RPRD1A: variants seen among roughly 807,000 people sequenced by gnomAD.
The protein encoded by RPRD1A is regulation of nuclear pre-mRNA domain containing 1A.
In RPRD1A, 9 loss-of-function variants were observed where a neutral mutation model predicts 37.8. That is an observed-to-expected ratio of 0.24 (90% CI 0.14 to 0.42). RPRD1A has a LOEUF of 0.42. Ranked by LOEUF, RPRD1A falls within the 10% of genes least tolerant of loss-of-function variation. The probability of loss-of-function intolerance (pLI) is 1.00; values close to 1 mark genes in which losing one functional copy is unlikely to be tolerated. For synonymous variants in RPRD1A, 138 were observed against 139.7 expected, an observed-to-expected ratio of 0.99 and a Z score of 0.08; for missense variants, 255 against 371.0, an observed-to-expected ratio of 0.69 and a Z score of 2.57.
intron 1 of RPRD1A, among the ~76,000 whole-genome samples, chr18:36,053,476 C>T (rs1913542174): frequency 6.6e-6 from 1 of 152,172 alleles, no homozygotes; most frequent in African/African-American, 2.4e-5. Flanking sequence ...TTGCTCCACA[C>T]TGTAGAATGT....
chr18:36,066,556 A>G (rs2089035063), intron 1 of RPRD1A, among the ~76,000 whole-genome samples: 1 of 152,250 alleles, frequency 6.6e-6, no homozygotes. Context: ...TATTTTAGTG[A>G]CAGACATCTC....
At chr18:36,032,753 A>T (rs1372869951) in intron 2 of RPRD1A, among the ~76,000 whole-genome samples, 1 of 152,234 alleles carries the variant, frequency 6.6e-6, no homozygotes, top group Non-Finnish European at 1.5e-5. Flanking sequence ...ACCTGGATAG[A>T]TCGAGTTGCC....
At chr18:36,054,056 G>T (rs1481941711) in intron 1 of RPRD1A, among the ~76,000 whole-genome samples, 1 of 152,104 alleles carries the variant, frequency 6.6e-6, no homozygotes, top group Non-Finnish European at 1.5e-5. Flanking sequence ...GGGATGTTTA[G>T]GAAATGCCAT....
chr18:36,036,240 TTTTTTAAA>T (rs1404983160), intron 1 of RPRD1A, among the ~76,000 whole-genome samples: 1 of 152,052 alleles, frequency 6.6e-6, no homozygotes, highest in African/African-American at 2.4e-5. Flanking sequence ...GCCTGGCTAA[TTTTTTAAA>T]TTTTTTGTAG....
chr18:36,019,545 A>C (rs1463079105), intron 6 of RPRD1A, among the ~76,000 whole-genome samples: 2 of 152,188 alleles, frequency 1.3e-5, no homozygotes, highest in Non-Finnish European at 2.9e-5. Flanking sequence ...CCACTTAGAC[A>C]GGGGTGGTTT....
rs1269845450 is a variant in RPRD1A, at chr18:36,055,865, G to C, written c.151+11389C>G. On this transcript the variant is annotated intron_variant, in intron 1 of 6. Transcript: ENST00000399022. Reference sequence around the variant, plus strand: ...CATGAGTGGACAGATCAATGCAACAGAATGAGAATGAAAATACACCCAGAT... The same window carrying C: ...CATGAGTGGACAGATCAATGCAACACAATGAGAATGAAAATACACCCAGAT... 4.6e-5 allele frequency among the ~76,000 whole-genome samples: 7 copies of C among 152,204 alleles called. No homozygotes were observed. In the East Asian group the frequency reaches 1.2e-3, roughly 25 times the overall value.
At chr18:36,040,406 CT>C (rs1272404627) in intron 1 of RPRD1A, among the ~76,000 whole-genome samples, 3 of 152,158 alleles carry the variant, frequency 2.0e-5, no homozygotes. Context: ...AGAAGCTCCC[CT>C]CATGACCTAA....
chr18:36,021,992 A>G (rs142374162), intron 6 of RPRD1A, among the ~76,000 whole-genome samples: 88 of 152,250 alleles, frequency 5.8e-4, no homozygotes, highest in African/African-American at 1.7e-3. Flanking sequence ...GAGTGACACA[A>G]TATCTCAAAA....
At chr18:36,008,577 G>GTGTGTGTGTGTATATATATA in intron 6 of RPRD1A, among the ~76,000 whole-genome samples, 1 of 47,802 alleles carries the variant, frequency 2.1e-5, no homozygotes, top group Non-Finnish European at 4.3e-5. Context: ...CCTTGTGTGT[G>GTGTGTGTGTGTATATATATA]TATATATATA....
intron 6 of RPRD1A, among the ~76,000 whole-genome samples, chr18:36,005,314 TAAAAA>T (rs201330907): frequency 1.3e-5 from 2 of 150,226 alleles, no homozygotes; most frequent in Non-Finnish European, 3.0e-5. Flanking sequence ...AAAAATAAAA[TAAAAA>T]AAAACTGCAT....
At chr18:36,065,857 C>T (rs993250856) in intron 1 of RPRD1A, among the ~76,000 whole-genome samples, 1 of 151,978 alleles carries the variant, frequency 6.6e-6, no homozygotes, top group Non-Finnish European at 1.5e-5. Flanking sequence ...ACGTGAAATG[C>T]CTATAAACAG....
chr18:36,043,813 C>G (rs940229127), intron 1 of RPRD1A, among the ~76,000 whole-genome samples: 2 of 152,122 alleles, frequency 1.3e-5, no homozygotes, highest in African/African-American at 4.8e-5. Context: ...CTCATTTTAC[C>G]AATGAAACAA....
At position 36,034,600 on chromosome 18, in the gene RPRD1A, C is replaced by A. The variant is rs527909896; in HGVS notation, c.152-763G>T. Among the ~76,000 whole-genome samples, 165 of 152,264 alleles carry A rather than the reference C, an allele frequency of 1.1e-3. No homozygotes were observed. The South Asian group carries it at 0.013, about 12-fold the overall frequency. On this transcript the variant is annotated intron_variant, in intron 1 of 6. Transcript: ENST00000399022. ...ACAGTGTTGAACATAATATTTTATA[C>A]TATTCTTATATTTTACTAGAATTAA... is the stretch of plus-strand genomic sequence containing the variant.
intron 6 of RPRD1A, among the ~76,000 whole-genome samples, chr18:36,014,499 A>G (rs903483903): frequency 1.1e-4 from 16 of 152,286 alleles, no homozygotes; most frequent in African/African-American, 3.8e-4. Flanking sequence ...AGCACTTTGG[A>G]AGGCCAAGGC....
intron 1 of RPRD1A, among the ~76,000 whole-genome samples, chr18:36,048,162 G>A (rs531389751): frequency 6.6e-6 from 1 of 150,814 alleles, no homozygotes; most frequent in South Asian, 2.1e-4. Context: ...CACCTCCCAG[G>A]TTCAAGCAAT....
At chr18:35,994,928 C>T (rs1431331508) in intron 6 of RPRD1A, among the ~76,000 whole-genome samples, 1 of 152,004 alleles carries the variant, frequency 6.6e-6, no homozygotes, top group Non-Finnish European at 1.5e-5. Context: ...TCCATCATAC[C>T]ACACTACCCC....
In RPRD1A at chr18:36,021,454, C is replaced by A. The variant is rs560415294; in HGVS notation, c.789+5446G>T. The stretch of plus-strand genomic sequence containing the variant: ...GTGTTCTCACTGCTCCACTGACTGG[C>A]TGTCCCTGTCTCTCCCTCCCTATTT... On this transcript the variant is annotated intron_variant, in intron 6 of 6. Coordinates refer to ENST00000399022, the MANE Select transcript of RPRD1A (RefSeq NM_018170.5). Among the ~76,000 whole-genome samples, 5 of 152,338 alleles carry A rather than the reference C, an allele frequency of 3.3e-5. No homozygotes were observed. The East Asian group carries it at 5.8e-4, about 18-fold the overall frequency.
At chr18:35,993,499 A>C (rs1445426152) in intron 6 of RPRD1A, among the ~76,000 whole-genome samples, 199 bp from the exon 7 acceptor site, 1 of 152,226 alleles carries the variant, frequency 6.6e-6, no homozygotes, top group Non-Finnish European at 1.5e-5. Flanking sequence ...GAAAAACCAC[A>C]ATCTTTAGCT....
At position 35,992,540 on chromosome 18, in the gene RPRD1A, A is replaced by G. The variant is rs1223815833; in HGVS notation, c.*611T>C. The G allele has an allele frequency of 6.6e-6, 1 of 152,222 alleles. No individual in the cohort carries two copies. Among genetic ancestry groups the G allele is most frequent in the African/African-American group, 2.4e-5 (1 of 41,454 alleles). The allele number at this position is 152,222 out of a possible 1,614,324, so 9.4% of individuals were successfully genotyped here. A position where few individuals can be genotyped will look rare whatever the true frequency, so the allele number is the denominator to read the frequency against. On this transcript the variant is annotated 3_prime_UTR_variant, in exon 7 of 7. Transcript: ENST00000399022. ...TGGCAGTTGGAATGGAACTTTTACA[A>G]TGCTATTAAGGAACAGTTCTCTAGA...
Sources: gnomAD v4.1 joint callset for allele counts (sites outside exome capture counted in the v4.1 genomes callset) on GRCh38, gnomAD v4.1.1 for gene constraint, MANE v1.5 for transcripts, NCBI Gene and HGNC (gene_info 2026-07-23, HGNC 2026-07-21) for gene names.